HERC6: variants seen among roughly 807,000 people sequenced by gnomAD.
HERC6 encodes the protein probable E3 ubiquitin-protein ligase HERC6.
A neutral mutation model predicts 114.5 loss-of-function variants in HERC6; 101 were observed. That is an observed-to-expected ratio of 0.88 (90% CI 0.75 to 1.04). The LOEUF is 1.04. HERC6 is among the 50% of genes least tolerant of loss of function. HERC6 has a pLI of 0.00. For missense variants in HERC6, 1,133 were observed against 1,230.9 expected, an observed-to-expected ratio of 0.92 and a Z score of 1.19; for synonymous variants, 408 against 436.2, an observed-to-expected ratio of 0.94 and a Z score of 0.81.
rs760128826 is a variant in HERC6 at position 88,383,386 on chromosome 4, T to TG, written c.359+7dup. Reference sequence around the variant, plus strand: ...GAAATAAGTTTCACACCTAAGTAAGTGTTTCAACCCACTCCTTCATTTATT... The same window carrying TG: ...GAAATAAGTTTCACACCTAAGTAAGTGGTTTCAACCCACTCCTTCATTTATT... On this transcript the variant is annotated splice_region_variant and intron_variant, in intron 2 of 22. Coordinates refer to ENST00000264346, the MANE Select transcript of HERC6 (RefSeq NM_017912.4). 40 of 1,480,394 alleles carry TG rather than the reference T, an allele frequency of 2.7e-5. No individual in the cohort carries two copies. The highest frequency in any genetic ancestry group is 1.8e-4 in the Middle Eastern group (1 of 5,648). The allele number at this position is 1,480,394 out of a possible 1,614,324, so 91.7% of individuals were successfully genotyped here. A position where few individuals can be genotyped will look rare whatever the true frequency, so the allele number is the denominator to read the frequency against.
chr4:88,391,619 G>A lies in HERC6; in HGVS notation c.664+740G>A, dbSNP rs895662208. 9.2e-5 allele frequency among the ~76,000 whole-genome samples: 14 copies of A among 152,302 alleles called. 1 individual carries two copies. Among genetic ancestry groups the A allele is most frequent in the Admixed American group, 5.2e-4 (8 of 15,296 alleles). On this transcript the variant is annotated intron_variant, in intron 4 of 22. Transcript: ENST00000264346. The stretch of plus-strand genomic sequence containing the variant: ...GGGGTGAAACCCAGAAGCATCCATC[G>A]TCATTAGAGACCTCACAGTTGATGC...
chr4:88,395,364 A>C (rs1356622781), intron 5 of HERC6, among the ~76,000 whole-genome samples: 1 of 152,106 alleles, frequency 6.6e-6, no homozygotes, highest in Non-Finnish European at 1.5e-5. Flanking sequence ...TGAACCAGTT[A>C]ATTTATCTAT....
At chr4:88,411,567 A>G (rs912278915) in intron 11 of HERC6, among the ~76,000 whole-genome samples, 2 of 152,196 alleles carry the variant, frequency 1.3e-5, no homozygotes, top group African/African-American at 4.8e-5. Flanking sequence ...TCACTTATTT[A>G]CCCTTAGGAC....
chr4:88,401,266 G>A (rs1490100457), intron 8 of HERC6, among the ~76,000 whole-genome samples: 3 of 151,960 alleles, frequency 2.0e-5, no homozygotes, highest in Admixed American at 6.6e-5. Flanking sequence ...AGGCCGAGGC[G>A]GGTGGATCAC....
chr4:88,398,754 TAGATA>T (rs1343193402), intron 8 of HERC6: 1 of 152,224 alleles, frequency 6.6e-6, no homozygotes, highest in Admixed American at 6.5e-5. Context: ...TTAATGATGA[TAGATA>T]ACAGTCATGA....
chr4:88,426,804 G>A (rs969061821), intron 15 of HERC6, among the ~76,000 whole-genome samples: 1 of 152,198 alleles, frequency 6.6e-6, no homozygotes, highest in African/African-American at 2.4e-5. Flanking sequence ...CCTATTACCA[G>A]CATGTTTACA....
At chr4:88,380,283 AATATATAATATATAAAT>A (rs1560529133) in intron 1 of HERC6, among the ~76,000 whole-genome samples, 2 of 52,214 alleles carry the variant, frequency 3.8e-5, no homozygotes, top group African/African-American at 2.0e-4. Flanking sequence ...ATAATATATA[AATATATAATATATAAAT>A]ATATATATAA....
intron 1 of HERC6, among the ~76,000 whole-genome samples, chr4:88,382,765 G>A (rs920273631): frequency 1.3e-5 from 2 of 152,164 alleles, no homozygotes; most frequent in African/African-American, 4.8e-5. Flanking sequence ...CGTGTTCCAG[G>A]AAGCAAGACA....
At chr4:88,383,763 C>CAAAAAA (rs753643806) in intron 2 of HERC6, among the ~76,000 whole-genome samples, 29 of 28,748 alleles carry the variant, frequency 1.0e-3, no homozygotes, top group Non-Finnish European at 1.1e-3. Flanking sequence ...GACTCAGTCT[C>CAAAAAA]AAAAAAAAAA....
At chr4:88,434,977 A>T (rs1738593684) in intron 17 of HERC6, among the ~76,000 whole-genome samples, 1 of 152,218 alleles carries the variant, frequency 6.6e-6, no homozygotes, top group South Asian at 2.1e-4. Context: ...CAATTAAATA[A>T]ATAAATATGG....
At position 88,431,413 on chromosome 4, in the gene HERC6, C is replaced by T. The variant is rs1489505031; in HGVS notation, c.2250+108C>T. The T allele has an allele frequency of 3.2e-6, 4 of 1,265,224 alleles. No individual in the cohort carries two copies. In the African/African-American group the frequency reaches 6.0e-5, roughly 19 times the overall value. The allele number at this position is 1,265,224 out of a possible 1,614,324, so 78.4% of individuals were successfully genotyped here. A position where few individuals can be genotyped will look rare whatever the true frequency, so the allele number is the denominator to read the frequency against. ...TAAAATTAGGTCATATAGAGCTTTG[C>T]TACTCATATTTTGAGTAGTACTCGT... On this transcript the variant is annotated intron_variant, in intron 17 of 22. Transcript: ENST00000264346.
intron 17 of HERC6, among the ~76,000 whole-genome samples, chr4:88,433,924 AG>A (rs1738487061): frequency 6.6e-6 from 1 of 152,216 alleles, no homozygotes; most frequent in South Asian, 2.1e-4. Context: ...TCTAAAATAT[AG>A]GAATGGCTAA....
chr4:88,379,282 A>G (rs909826048), intron 1 of HERC6, among the ~76,000 whole-genome samples, 162 bp downstream of exon 1: 5 of 152,090 alleles, frequency 3.3e-5, no homozygotes, highest in Non-Finnish European at 7.4e-5. Context: ...GCCGCGGGCC[A>G]GGCAGGGAGG....
chr4:88,383,235 T>C lies in HERC6; in HGVS notation c.214T>C (p.Leu72=), dbSNP rs1418859813. The stretch of plus-strand genomic sequence containing the variant: ...GTTTCCCAAAGAACCAATTCAGGCA[T>C]TGGAAACCCTAATTGTTGATCTCGT... ...RGELPEPIQA[L]ETLIVDLVSC... is the part of the protein sequence containing the mutation. Residue 72 remains leucine (L), a synonymous_variant, in exon 2 of 23, where the codon TTG becomes CTG. Transcript: ENST00000264346. The C allele has an allele frequency of 5.6e-6, 9 of 1,610,676 alleles. No homozygotes were observed. The highest frequency in any genetic ancestry group is 7.6e-6 in the Non-Finnish European group (9 of 1,178,514).
At chr4:88,388,745 G>T (rs1218540243) in intron 3 of HERC6, among the ~76,000 whole-genome samples, 2 of 152,032 alleles carry the variant, frequency 1.3e-5, no homozygotes, top group Non-Finnish European at 2.9e-5. Flanking sequence ...GAGAATAGAT[G>T]GTGAATGTTT....
chr4:88,413,226 G>C lies in HERC6; in HGVS notation c.1518G>C (p.Lys506Asn), dbSNP rs1396770877. 6.2e-7 allele frequency: 1 copy of C among 1,613,006 alleles called. No homozygotes were observed. Among genetic ancestry groups the C allele is most frequent in the Non-Finnish European group, 8.5e-7 (1 of 1,179,586 alleles). Residue 506 changes from lysine (K) to asparagine (N), a missense_variant, in exon 12 of 23, where the codon AAG becomes AAC. Coordinates refer to ENST00000264346, the MANE Select transcript of HERC6 (RefSeq NM_017912.4). ...AGAACCTGGTGGTTCCATTTGCAAA[G>C]GCTGTGTGTGAAATGAGTAAACAAT... is the stretch of plus-strand genomic sequence containing the variant. ...NWKNLVVPFAKAVCEMSKQSL... is the reference protein window; with the variant it reads ...NWKNLVVPFANAVCEMSKQSL...
chr4:88,413,164 C>G lies in HERC6; in HGVS notation c.1456C>G (p.Pro486Ala), dbSNP rs775337381. Residue 486 changes from proline to alanine, a missense_variant, in exon 12 of 23, where the codon CCA becomes GCA. Physicochemically the swap from Pro to Ala is conservative, Grantham distance 27. Coordinates refer to ENST00000264346, the MANE Select transcript of HERC6 (RefSeq NM_017912.4). ...AGCTTTATCAGTTTTCCTCCTGCTC[C>G]CAGAATGTCCTGTGATGCATGATTC... Reference protein sequence around the residue: ...QEALSVFLLLPECPVMHDSKN... With the variant: ...QEALSVFLLLAECPVMHDSKN... The G allele has an allele frequency of 1.2e-6, 2 of 1,613,568 alleles. No homozygotes were observed. The highest frequency in any genetic ancestry group is 1.1e-5 in the South Asian group (1 of 91,064).
chr4:88,442,587 G>C lies in HERC6; in HGVS notation c.*127G>C, dbSNP rs543691763. The C allele has an allele frequency of 2.7e-6, 2 of 753,282 alleles. No individual in the cohort carries two copies. Among genetic ancestry groups the C allele is most frequent in the Non-Finnish European group, 4.4e-6 (2 of 449,664 alleles). The allele number at this position is 753,282 out of a possible 1,614,324, so 46.7% of individuals were successfully genotyped here. On this transcript the variant is annotated 3_prime_UTR_variant, in exon 23 of 23. Transcript: ENST00000264346. ...AGTTGAGGGAGAGATTGGGGGAATG[G>C]GGAGATGATGATGATGGTCAAAGGG...
intron 3 of HERC6, among the ~76,000 whole-genome samples, chr4:88,387,555 C>T (rs896135002): frequency 6.6e-6 from 1 of 152,082 alleles, no homozygotes; most frequent in East Asian, 1.9e-4. Context: ...AGGTCTCAAC[C>T]CTAAGTGCTT....
Sources: gnomAD v4.1 joint callset for allele counts (sites outside exome capture counted in the v4.1 genomes callset) on GRCh38, gnomAD v4.1.1 for gene constraint, MANE v1.5 for transcripts, NCBI Gene and HGNC (gene_info 2026-07-23, HGNC 2026-07-21) for gene names.